The following TESPA1 variants were observed in gnomAD, a reference collection of about 807,000 sequenced individuals.
TESPA1 encodes the protein protein TESPA1.
TESPA1 carries 33 observed loss-of-function variants against 57.9 expected under a neutral mutation model. That is an observed-to-expected ratio of 0.57 (90% CI 0.43 to 0.76). The LOEUF is 0.76. Among genes scored for constraint, TESPA1 ranks in the 30% least tolerant of loss-of-function variants. TESPA1 has a pLI of 0.00. For missense variants in TESPA1, 618 were observed against 632.9 expected (o/e 0.98, Z 0.25); for synonymous variants, 227 against 228.9 (o/e 0.99, Z 0.07).
Position 54,974,559 on chromosome 12 carries a change from C to T in TESPA1, c.4G>A (p.Glu2Lys). Reference sequence around the variant, plus strand: ...GATGTGGGGCTCAGCACAGAGGCCTCCATGGCCCTGGCTCAGACTTCAGGG... The same window carrying T: ...GATGTGGGGCTCAGCACAGAGGCCTTCATGGCCCTGGCTCAGACTTCAGGG... MEASVLSPTSWE... is the reference protein window; with the variant it reads MKASVLSPTSWE... The change falls in exon 2 of 11, where the codon GAG becomes AAG. Residue 2 changes from glutamate to lysine, a missense_variant. Physicochemically the swap from Glu to Lys is moderately conservative, Grantham distance 56. Transcript: ENST00000449076. 6.3e-7 allele frequency: 1 copy of T among 1,579,088 alleles called. No individual in the cohort carries two copies. The highest frequency in any genetic ancestry group is 1.8e-5 in the Admixed American group (1 of 55,112).
intron 1 of TESPA1, among the ~76,000 whole-genome samples, chr12:54,982,164 C>A (rs1952345911): frequency 6.6e-6 from 1 of 152,218 alleles, no homozygotes; most frequent in South Asian, 2.1e-4. Context: ...ATTTGACATA[C>A]CCCAATCTGC....
At chr12:54,981,927 C>T (rs1478547437) in intron 1 of TESPA1, 1 of 152,268 alleles carries the variant, frequency 6.6e-6, no homozygotes, top group East Asian at 1.9e-4. Context: ...CTGTTTTGTA[C>T]CTATGCCCCA....
In TESPA1 at chr12:54,963,775, T is replaced by A; in HGVS notation, c.622A>T (p.Ile208Phe). Residue 208 changes from isoleucine (I) to phenylalanine (F), a missense_variant, in exon 8 of 11, where the codon ATT becomes TTT. Transcript: ENST00000449076. ...QLFLKSQVRR[I>F]EMEDPCLMLA... ...ATGAGGCAGGGGTCTTCCATTTCAA[T>A]CCTCCGCACCTGGGACTTCAGGAAG... 6.2e-7 allele frequency: 1 copy of A among 1,613,666 alleles called. No individual in the cohort carries two copies. Among genetic ancestry groups the A allele is most frequent in the Non-Finnish European group, 8.5e-7 (1 of 1,179,846 alleles).
intron 2 of TESPA1, chr12:54,973,849 G>A (rs371151707): frequency 6.4e-6 from 7 of 1,100,004 alleles, no homozygotes; most frequent in Non-Finnish European, 7.7e-6. Flanking sequence ...AGACAATCTT[G>A]TTTTTGTGCT....
chr12:54,951,336 C>A (rs189608954), intron 10 of TESPA1, among the ~76,000 whole-genome samples: 4 of 152,284 alleles, frequency 2.6e-5, no homozygotes, highest in African/African-American at 9.6e-5. Context: ...TTCCTGAGGT[C>A]TCCCTAGCCA....
chr12:54,966,111 G>T lies in TESPA1; in HGVS notation c.388C>A (p.Leu130Ile). 6 of 1,576,862 alleles carry T rather than the reference G, an allele frequency of 3.8e-6. No homozygotes were observed. The highest frequency in any genetic ancestry group is 5.2e-6 in the Non-Finnish European group (6 of 1,160,242). Residue 130 changes from leucine to isoleucine, a missense_variant, in exon 7 of 11, where the codon CTT becomes ATT. Transcript: ENST00000449076. ...CTGCTGGAAGCCAAACTACAGCCAA[G>T]ATCAAGTAGCTGGCAAGGCCTGGCT... is the stretch of plus-strand genomic sequence containing the variant. ...ETARPCQLLD[L>I]GCSLASSSMT... is the part of the protein sequence containing the mutation.
intron 10 of TESPA1, among the ~76,000 whole-genome samples, chr12:54,950,941 T>G (rs1246328275): frequency 1.4e-5 from 2 of 139,672 alleles, no homozygotes; most frequent in Admixed American, 7.4e-5. Flanking sequence ...ACTTAAAATT[T>G]TTTTCCATTT....
chr12:54,966,428 G>C lies in TESPA1; in HGVS notation c.311-4C>G, dbSNP rs1288104212. On this transcript the variant is annotated splice_region_variant and splice_polypyrimidine_tract_variant and intron_variant, in intron 5 of 10. Transcript: ENST00000449076. ...CCATTGGCGGCCAGTAGTGTGGCTG[G>C]ACAAGAAACAGAGAAGCAAAGAGCA... The C allele has an allele frequency of 5.0e-6, 8 of 1,612,454 alleles. No individual in the cohort carries two copies. Among genetic ancestry groups the C allele is most frequent in the Non-Finnish European group, 6.8e-6 (8 of 1,179,448 alleles).
chr12:54,965,150 A>G (rs1228932320), intron 7 of TESPA1, among the ~76,000 whole-genome samples: 1 of 152,146 alleles, frequency 6.6e-6, no homozygotes, highest in Non-Finnish European at 1.5e-5. Flanking sequence ...AGCTCCTGGG[A>G]TCAAGCTATT....
chr12:54,954,175 C>T (rs12826774), intron 10 of TESPA1, among the ~76,000 whole-genome samples: 3,332 of 152,266 alleles, frequency 0.022, 65 homozygotes, highest in Middle Eastern at 0.068. Context: ...TAAACTTCTG[C>T]TCAATCAGGG....
intron 10 of TESPA1, among the ~76,000 whole-genome samples, chr12:54,953,234 A>C (rs1481565632): frequency 2.0e-5 from 3 of 152,082 alleles, no homozygotes; most frequent in Non-Finnish European, 1.5e-5. Flanking sequence ...AAACCAAAAC[A>C]CTTAAAATAA....
At position 54,950,272 on chromosome 12, in the gene TESPA1, G is replaced by A; in HGVS notation, c.*120C>T. ...TCCTGCAGAGTTTGGGGGTTTGGAG[G>A]ACCAAGGAGTAGGGGCTGGATGTTG... On this transcript the variant is annotated 3_prime_UTR_variant, in exon 11 of 11. Coordinates refer to ENST00000449076, the MANE Select transcript of TESPA1 (RefSeq NM_001136030.3). 2 of 456,834 alleles carry A rather than the reference G, an allele frequency of 4.4e-6. No homozygotes were observed. Among genetic ancestry groups the A allele is most frequent in the South Asian group, 3.1e-5 (2 of 64,566 alleles). 28.3% of individuals were successfully genotyped at this position (456,834 alleles called of 1,614,324 possible).
intron 10 of TESPA1, among the ~76,000 whole-genome samples, chr12:54,952,385 A>G (rs1283634245): frequency 6.6e-6 from 1 of 152,250 alleles, no homozygotes; most frequent in African/African-American, 2.4e-5. Flanking sequence ...GAAGTACCTT[A>G]CACTCACCAT....
Position 54,948,901 on chromosome 12 carries a change from T to G in TESPA1, c.*1491A>C, listed in dbSNP as rs1004740754. 1 of 152,228 alleles carries G rather than the reference T, an allele frequency of 6.6e-6. No individual in the cohort carries two copies. Among genetic ancestry groups the G allele is most frequent in the Non-Finnish European group, 1.5e-5 (1 of 68,040 alleles). The allele number at this position is 152,228 out of a possible 1,614,324, so 9.4% of individuals were successfully genotyped here. ...TGACCTCCCTTAAGAATATTTGCTTTAGAAAATTTGCTGTAGTTCTTTCTA... is the reference window on the plus strand; with the variant it reads ...TGACCTCCCTTAAGAATATTTGCTTGAGAAAATTTGCTGTAGTTCTTTCTA... On this transcript the variant is annotated 3_prime_UTR_variant, in exon 11 of 11. Coordinates refer to ENST00000449076, the MANE Select transcript of TESPA1 (RefSeq NM_001136030.3).
chr12:54,979,669 C>T (rs1392428498), intron 1 of TESPA1, among the ~76,000 whole-genome samples: 8 of 152,174 alleles, frequency 5.3e-5, no homozygotes, highest in Admixed American at 5.2e-4. Flanking sequence ...ATATCCTCCA[C>T]TGGTTTAAGA....
intron 8 of TESPA1, among the ~76,000 whole-genome samples, 197 bp downstream of exon 8, chr12:54,963,545 T>G (rs749288546): frequency 5.9e-5 from 9 of 152,210 alleles, no homozygotes; most frequent in Non-Finnish European, 1.0e-4. Context: ...GCCTGAAGTC[T>G]CTTAAAGGCT....
At chr12:54,973,563 T>A in intron 2 of TESPA1, 44 bp from the exon 3 acceptor site, 1 of 1,613,696 alleles carries the variant, frequency 6.2e-7, no homozygotes, top group Non-Finnish European at 8.5e-7. Flanking sequence ...CTGAACGAAA[T>A]CAGACCTCCT....
intron 10 of TESPA1, among the ~76,000 whole-genome samples, chr12:54,950,681 C>T (rs1029869496): frequency 6.6e-6 from 1 of 152,178 alleles, no homozygotes; most frequent in African/African-American, 2.4e-5. Flanking sequence ...TGGAGAATAT[C>T]ACTAAACCAC....
At chr12:54,969,767 A>C (rs1026076388) in intron 3 of TESPA1, among the ~76,000 whole-genome samples, 1 of 152,170 alleles carries the variant, frequency 6.6e-6, no homozygotes, top group Non-Finnish European at 1.5e-5. Context: ...AATCCCAAAC[A>C]TATCTATGAT....
Sources: allele counts gnomAD v4.1 joint callset (sites outside exome capture counted in the v4.1 genomes callset), GRCh38; gene constraint gnomAD v4.1.1; transcripts MANE v1.5; gene names NCBI Gene and HGNC (gene_info 2026-07-23, HGNC 2026-07-21).